Variants in ZFHX4 observed in about 807,000 individuals in gnomAD.
The protein encoded by ZFHX4 is zinc finger homeobox 4, also known as zinc finger homeobox protein 4.
ZFHX4 carries 56 observed loss-of-function variants against 267.6 expected under a neutral mutation model. The ratio of observed to expected loss-of-function variants is 0.21; its 90% confidence interval spans 0.17 to 0.26. The LOEUF (loss-of-function observed/expected upper bound fraction) is 0.26, where lower values mean the gene tolerates loss of function less well. Ranked by LOEUF, ZFHX4 falls within the 10% of genes least tolerant of loss-of-function variation. The pLI is 1.00. For missense variants in ZFHX4, 4,332 were observed against 4,420.0 expected (o/e 0.98, Z 0.56); for synonymous variants, 1,778 against 1,665.6 (o/e 1.07, Z -1.64).
intron 4 of ZFHX4, among the ~76,000 whole-genome samples, chr8:76,813,185 G>T (rs1287505875): frequency 6.6e-6 from 1 of 152,008 alleles, no homozygotes; most frequent in Non-Finnish European, 1.5e-5. Context: ...GGGAGGGGAA[G>T]AACTCTCTGT....
Position 76,704,168 on chromosome 8 carries a change from T to C in ZFHX4, c.80T>C (p.Leu27Pro). ...STSKLCGTTQ[L>P]DNEVPEKVAG... ...TCAAAGCTATGTGGAACGACACAAC[T>C]TGATAATGAGGTGCCAGAGAAAGTT... is the stretch of plus-strand genomic sequence containing the variant. The change falls in exon 2 of 11, where the codon CTT becomes CCT. Residue 27 changes from leucine (L) to proline (P), a missense_variant. By Grantham distance (98) the Leu-to-Pro change is moderately conservative (BLOSUM62 -3). This residue lies in a region of ZFHX4 where 1,195 missense variants were observed against 1,173.6 expected (regional missense o/e 1.02). Coordinates refer to ENST00000651372, the MANE Select transcript of ZFHX4 (RefSeq NM_024721.5). 6.2e-7 allele frequency: 1 copy of C among 1,613,936 alleles called. No homozygotes were observed. Among genetic ancestry groups the C allele is most frequent in the South Asian group, 1.1e-5 (1 of 91,062 alleles).
intron 3 of ZFHX4, among the ~76,000 whole-genome samples, chr8:76,765,939 C>G (rs1037523695): frequency 3.3e-5 from 5 of 152,022 alleles, no homozygotes; most frequent in Non-Finnish European, 5.9e-5. Flanking sequence ...CTTCAAAAAT[C>G]CATGCTTTCA....
intron 3 of ZFHX4, among the ~76,000 whole-genome samples, chr8:76,717,537 C>T (rs1051641641): frequency 6.6e-6 from 1 of 152,200 alleles, no homozygotes; most frequent in African/African-American, 2.4e-5. Flanking sequence ...GAATTGTTAA[C>T]AGCATGGAAA....
At chr8:76,763,229 C>T (rs1010591539) in intron 3 of ZFHX4, among the ~76,000 whole-genome samples, 43 of 134,520 alleles carry the variant, frequency 3.2e-4, no homozygotes, top group Non-Finnish European at 4.5e-5. Context: ...TTGGGCTGTT[C>T]CCGTCTGATA....
At chr8:76,735,525 A>G (rs139395029) in intron 3 of ZFHX4, among the ~76,000 whole-genome samples, 4 of 152,274 alleles carry the variant, frequency 2.6e-5, no homozygotes, top group African/African-American at 4.8e-5. Context: ...TTATATCCAG[A>G]GTTCTGAATT....
At chr8:76,792,995 T>C (rs1307950610) in intron 4 of ZFHX4, among the ~76,000 whole-genome samples, 2 of 152,174 alleles carry the variant, frequency 1.3e-5, no homozygotes, top group Non-Finnish European at 2.9e-5. Flanking sequence ...TAATTAGCAC[T>C]GACTCCAGCC....
At chr8:76,777,065 AT>A (rs112170183) in intron 3 of ZFHX4, among the ~76,000 whole-genome samples, 1 of 151,986 alleles carries the variant, frequency 6.6e-6, no homozygotes, top group South Asian at 2.1e-4. Context: ...CCATTTGTGT[AT>A]TTTTTAAAAG....
chr8:76,801,583 A>G (rs939045801), intron 4 of ZFHX4, among the ~76,000 whole-genome samples: 1 of 152,152 alleles, frequency 6.6e-6, no homozygotes, highest in Non-Finnish European at 1.5e-5. Flanking sequence ...CTTCTAACCA[A>G]AATAGAAAGA....
rs374862318 is a variant in ZFHX4 at position 76,706,038 on chromosome 8, C to T, written c.1950C>T (p.Asn650=). The change falls in exon 2 of 11, where the codon AAC becomes AAT. Residue 650 remains asparagine (N), a synonymous_variant. Transcript: ENST00000651372. ...SCKTLKCPKC[N]WHYKYQQTLE... ...AAACCCTCAAATGTCCTAAATGTAA[C>T]TGGCACTACAAATATCAGCAGACCC... 21 of 1,613,644 alleles carry T rather than the reference C, an allele frequency of 1.3e-5. No individual in the cohort carries two copies. The highest frequency in any genetic ancestry group is 1.7e-5 in the Non-Finnish European group (20 of 1,179,852).
chr8:76,731,797 T>C (rs937467433), intron 3 of ZFHX4, among the ~76,000 whole-genome samples: 2 of 151,512 alleles, frequency 1.3e-5, no homozygotes, highest in South Asian at 4.1e-4. Flanking sequence ...TTAGCTAGCA[T>C]CTTTATAATG....
chr8:76,810,628 T>C (rs1318407048), intron 4 of ZFHX4, among the ~76,000 whole-genome samples: 3 of 152,148 alleles, frequency 2.0e-5, no homozygotes, highest in African/African-American at 2.4e-5. Flanking sequence ...TTTTTTACCC[T>C]TCGGCTTCTG....
Position 76,863,323 on chromosome 8 carries a change from A to G in ZFHX4, c.9609A>G (p.Lys3203=), listed in dbSNP as rs745553957. The G allele has an allele frequency of 5.6e-6, 9 of 1,613,240 alleles. No individual in the cohort carries two copies. The highest frequency in any genetic ancestry group is 7.6e-6 in the Non-Finnish European group (9 of 1,179,760). ...QTKPNKVKKI[K]EEELEATKPE... is the part of the protein sequence containing the mutation. ...AGCCAAACAAGGTGAAAAAAATCAA[A>G]GAGGAGGAATTAGAGGCCACCAAAC... The change falls in exon 11 of 11, where the codon AAA becomes AAG. Residue 3203 remains lysine (K), a synonymous_variant. Coordinates refer to ENST00000651372, the MANE Select transcript of ZFHX4 (RefSeq NM_024721.5).
intron 4 of ZFHX4, among the ~76,000 whole-genome samples, chr8:76,829,224 C>T (rs16939373): frequency 0.024 from 3,272 of 137,308 alleles, 40 homozygotes; most frequent in Middle Eastern, 0.045. Flanking sequence ...ATATCCCTGG[C>T]CATGAGATTT....
At chr8:76,808,243 T>C (rs1343968427) in intron 4 of ZFHX4, among the ~76,000 whole-genome samples, 2 of 152,172 alleles carry the variant, frequency 1.3e-5, no homozygotes, top group Non-Finnish European at 2.9e-5. Flanking sequence ...AGTTTTAAAA[T>C]GTGCCATATC....
intron 3 of ZFHX4, among the ~76,000 whole-genome samples, chr8:76,741,136 CT>C (rs1372979256): frequency 1.3e-5 from 2 of 151,974 alleles, no homozygotes; most frequent in East Asian, 3.9e-4. Context: ...TAAGGAAAAC[CT>C]GCTAGGAGAA....
intron 1 of ZFHX4, among the ~76,000 whole-genome samples, chr8:76,703,821 A>T (rs376264199): frequency 6.6e-6 from 1 of 152,212 alleles, no homozygotes; most frequent in Non-Finnish European, 1.5e-5. Context: ...AGCGACTATG[A>T]AAACACCTTG....
intron 4 of ZFHX4, among the ~76,000 whole-genome samples, chr8:76,796,798 C>T (rs1348136888): frequency 2.0e-5 from 3 of 152,120 alleles, no homozygotes; most frequent in African/African-American, 7.2e-5. Context: ...CTTTTCATAA[C>T]CAGGGAAAAT....
chr8:76,694,546 C>T (rs1379899039), intron 1 of ZFHX4, among the ~76,000 whole-genome samples: 3 of 152,078 alleles, frequency 2.0e-5, no homozygotes, highest in Non-Finnish European at 2.9e-5. Flanking sequence ...CGGAAGGGAC[C>T]TTTAAGAGAC....
At chr8:76,699,222 A>G (rs1808037393) in intron 1 of ZFHX4, among the ~76,000 whole-genome samples, 1 of 152,056 alleles carries the variant, frequency 6.6e-6, no homozygotes, top group Non-Finnish European at 1.5e-5. Flanking sequence ...TGGCTACCCA[A>G]CCCCCACCTC....
Sources: gnomAD v4.1 joint callset for allele counts (sites outside exome capture counted in the v4.1 genomes callset) on GRCh38, gnomAD v4.1.1 for gene constraint, gnomAD v4.1.1 regional missense constraint, MANE v1.5 for transcripts, NCBI Gene and HGNC (gene_info 2026-07-23, HGNC 2026-07-21) for gene names.